The following BCAS3 variants were observed in gnomAD, a reference collection of about 807,000 sequenced individuals.
BCAS3 encodes the protein BCAS3 microtubule associated cell migration factor.
In BCAS3, 53 loss-of-function variants were observed where a neutral mutation model predicts 116.1. The observed-to-expected ratio is 0.46, with a 90% CI of 0.37 to 0.57. The LOEUF is 0.57. Ranked by LOEUF, BCAS3 falls within the 20% of genes least tolerant of loss-of-function variation. The probability of loss-of-function intolerance (pLI) is 0.00; values close to 1 mark genes in which losing one functional copy is unlikely to be tolerated. For synonymous variants in BCAS3, 391 were observed against 408.2 expected (o/e 0.96, Z 0.51); for missense variants, 917 against 1,165.4 (o/e 0.79, Z 3.10).
intron 3 of BCAS3, among the ~76,000 whole-genome samples, chr17:60,687,512 G>T (rs1217640269): frequency 6.6e-6 from 1 of 152,208 alleles, no homozygotes; most frequent in Non-Finnish European, 1.5e-5. Context: ...GCTGACATGG[G>T]TGGACCGTTT....
At chr17:60,845,890 C>T (rs562038659) in intron 7 of BCAS3, among the ~76,000 whole-genome samples, 1 of 150,882 alleles carries the variant, frequency 6.6e-6, no homozygotes, top group South Asian at 2.1e-4. Flanking sequence ...CCTCAGCATT[C>T]TGAGAAGCTG....
At chr17:61,155,761 TGA>T (rs1290912872) in intron 22 of BCAS3, among the ~76,000 whole-genome samples, 4 of 152,206 alleles carry the variant, frequency 2.6e-5, no homozygotes, top group Non-Finnish European at 4.4e-5. Context: ...TGATCAGCAT[TGA>T]GAACAAATGT....
In BCAS3 at chr17:61,309,084, CG is replaced by C. The variant is rs2054087728; in HGVS notation, c.2426-59242del. Among the ~76,000 whole-genome samples, 1 of 152,018 alleles carries C rather than the reference CG, an allele frequency of 6.6e-6. No individual in the cohort carries two copies. The highest frequency in any genetic ancestry group is 1.5e-5 in the Non-Finnish European group (1 of 68,012). On this transcript the variant is annotated intron_variant, in intron 22 of 23. Transcript: ENST00000407086. This position sits in a 1 kb window ranked among gnomAD's most constrained non-coding sequence, Gnocchi z 4.6. The stretch of plus-strand genomic sequence containing the variant: ...TGGAATCCTCTTTCTTTCAGGAGTC[CG>C]TGATTCTTGACTGAAACAAGGGTTA...
intron 22 of BCAS3, among the ~76,000 whole-genome samples, chr17:61,158,259 A>G (rs916973158): frequency 2.6e-5 from 4 of 152,096 alleles, no homozygotes; most frequent in Middle Eastern, 3.2e-3. Context: ...TGACCCATCA[A>G]ATGTCTTGTA....
chr17:61,073,507 G>A lies in BCAS3; in HGVS notation c.2030-1413G>A, dbSNP rs2071630420. On this transcript the variant is annotated intron_variant, in intron 19 of 23. Coordinates refer to ENST00000407086, the MANE Select transcript of BCAS3 (RefSeq NM_017679.5). This position sits in a 1 kb window ranked among gnomAD's most constrained non-coding sequence, Gnocchi z 4.6. Reference sequence around the variant, plus strand: ...CCTTGTTCTAGCAAGAGCTCAGTGAGGTTGGCATTCTCTTTCACTGCTTGG... The same window carrying A: ...CCTTGTTCTAGCAAGAGCTCAGTGAAGTTGGCATTCTCTTTCACTGCTTGG... 6.6e-6 allele frequency among the ~76,000 whole-genome samples: 1 copy of A among 152,136 alleles called. No individual in the cohort carries two copies. The highest frequency in any genetic ancestry group is 1.5e-5 in the Non-Finnish European group (1 of 68,020).
At chr17:60,705,109 A>G (rs138651038) in intron 4 of BCAS3, among the ~76,000 whole-genome samples, 7 of 152,318 alleles carry the variant, frequency 4.6e-5, no homozygotes, top group East Asian at 1.9e-4. Context: ...GGTGCCATCA[A>G]TGTTACAGAA....
intron 6 of BCAS3, among the ~76,000 whole-genome samples, chr17:60,790,044 A>G (rs2046624804): frequency 6.6e-6 from 1 of 151,946 alleles, no homozygotes; most frequent in Non-Finnish European, 1.5e-5. Context: ...ACTTGCATGG[A>G]CTTTCTAGTA....
intron 16 of BCAS3, among the ~76,000 whole-genome samples, chr17:61,027,146 T>C (rs2066308645): frequency 6.6e-6 from 1 of 151,248 alleles, no homozygotes; most frequent in Non-Finnish European, 1.5e-5. Context: ...CACAGATGAA[T>C]TTTTTTTAAA....
chr17:60,764,271 C>A (rs1458176780), intron 6 of BCAS3, among the ~76,000 whole-genome samples: 3 of 151,636 alleles, frequency 2.0e-5, no homozygotes, highest in Non-Finnish European at 4.4e-5. Flanking sequence ...TTCTCTAGTT[C>A]TTTTAATTGT....
intron 12 of BCAS3, among the ~76,000 whole-genome samples, chr17:60,917,864 A>C (rs2058855619): frequency 6.6e-6 from 1 of 152,176 alleles, no homozygotes; most frequent in African/African-American, 2.4e-5. Context: ...AAGTGCTGGG[A>C]TTACAAGCAT....
intron 12 of BCAS3, among the ~76,000 whole-genome samples, chr17:60,914,558 C>T (rs2058679306): frequency 6.6e-6 from 1 of 152,110 alleles, no homozygotes; most frequent in Non-Finnish European, 1.5e-5. Context: ...AAATATTTCA[C>T]AGAGAAAATA....
At chr17:61,210,271 C>A (rs188651850) in intron 22 of BCAS3, among the ~76,000 whole-genome samples, 58 of 152,336 alleles carry the variant, frequency 3.8e-4, no homozygotes, top group South Asian at 2.3e-3. Flanking sequence ...CTGTCATGCA[C>A]AGGAGTAACT....
At chr17:60,923,570 G>T (rs1384123046) in intron 12 of BCAS3, among the ~76,000 whole-genome samples, 1 of 152,150 alleles carries the variant, frequency 6.6e-6, no homozygotes, top group Non-Finnish European at 1.5e-5. Flanking sequence ...AAATAGCGTT[G>T]CCAGTGTAGG....
chr17:61,212,465 A>G (rs1468085145), intron 22 of BCAS3, among the ~76,000 whole-genome samples: 1 of 152,038 alleles, frequency 6.6e-6, no homozygotes, highest in Non-Finnish European at 1.5e-5. Context: ...TTCTTTGTCT[A>G]TAGAAAATGT....
chr17:61,002,495 T>G (rs1488209706), intron 15 of BCAS3: 1 of 151,214 alleles, frequency 6.6e-6, no homozygotes, highest in Non-Finnish European at 1.5e-5. Context: ...AAGGCAACCC[T>G]GGCATGAACC....
chr17:61,090,258 A>T (rs1183537108), intron 22 of BCAS3, among the ~76,000 whole-genome samples: 1 of 152,208 alleles, frequency 6.6e-6, no homozygotes, highest in Non-Finnish European at 1.5e-5. Context: ...TGAATAAATG[A>T]TGTGATTTTC....
At chr17:60,880,852 C>G (rs2056060947) in intron 9 of BCAS3, among the ~76,000 whole-genome samples, 1 of 152,132 alleles carries the variant, frequency 6.6e-6, no homozygotes, top group South Asian at 2.1e-4. Context: ...CTTTTCAATA[C>G]TGAGTGGTAA....
At chr17:61,044,446 CA>C (rs1223902392) in intron 19 of BCAS3, among the ~76,000 whole-genome samples, 14,682 of 82,850 alleles carry the variant, frequency 0.18, 905 homozygotes, top group African/African-American at 0.23. Flanking sequence ...GACTCTGTCT[CA>C]AAAAAAAAAA....
At chr17:60,886,533 GT>G (rs1435342519) in intron 9 of BCAS3, 1 of 152,026 alleles carries the variant, frequency 6.6e-6, no homozygotes, top group Non-Finnish European at 1.5e-5. Flanking sequence ...GCGTTTTAGA[GT>G]TTCCAGTTTT....
Sources: gnomAD v4.1 joint callset for allele counts (sites outside exome capture counted in the v4.1 genomes callset) on GRCh38, gnomAD v4.1.1 for gene constraint, Gnocchi (gnomAD v3.1) non-coding constraint, MANE v1.5 for transcripts, NCBI Gene and HGNC (gene_info 2026-07-23, HGNC 2026-07-21) for gene names.